Variants in RPS10 observed in about 807,000 individuals in gnomAD.
The protein encoded by RPS10 is ribosomal protein S10.
A neutral mutation model predicts 22.6 loss-of-function variants in RPS10; 2 were observed. The ratio of observed to expected loss-of-function variants is 0.09; its 90% CI spans 0.04 to 0.28. The LOEUF is 0.28. Ranked by LOEUF, RPS10 falls within the 10% of genes least tolerant of loss-of-function variation. RPS10 has a pLI of 1.00. For synonymous variants in RPS10, 70 were observed against 75.9 expected (o/e 0.92, Z 0.40); for missense variants, 137 against 222.2 (o/e 0.62, Z 2.44).
intron 4 of RPS10, among the ~76,000 whole-genome samples, chr6:34,418,790 C>A (rs1369988730): frequency 6.6e-6 from 1 of 152,150 alleles, no homozygotes; most frequent in African/African-American, 2.4e-5. Context: ...GCCTTAATTA[C>A]CACCATGGGA....
chr6:34,424,159 A>AAAAAAG (rs1765869466), intron 3 of RPS10: 2 of 150,560 alleles, frequency 1.3e-5, no homozygotes, highest in Non-Finnish European at 2.9e-5. Flanking sequence ...AAAAAAAAAA[A>AAAAAAG]AAAAAGCAAC....
intron 2 of RPS10, 43 bp from the exon 3 acceptor site, chr6:34,424,883 T>G (rs1765900562): frequency 6.2e-7 from 1 of 1,613,170 alleles, no homozygotes; most frequent in East Asian, 2.2e-5. Flanking sequence ...AGTAGAAGCT[T>G]GGATCATCCT....
chr6:34,418,165 G>A, intron 5 of RPS10: 1 of 1,481,614 alleles, frequency 6.7e-7, no homozygotes, highest in Non-Finnish European at 9.0e-7. Context: ...ACTGATTTCT[G>A]AGACTCATTT....
chr6:34,418,264 G>A, intron 5 of RPS10, 105 bp downstream of exon 5: 1 of 1,590,786 alleles, frequency 6.3e-7, no homozygotes, highest in Admixed American at 1.8e-5. Context: ...GGAACTGGTT[G>A]ACAGGACCCA....
intron 4 of RPS10, among the ~76,000 whole-genome samples, chr6:34,421,142 G>C (rs1220923408): frequency 6.7e-6 from 1 of 148,752 alleles, no homozygotes; most frequent in East Asian, 2.0e-4. Flanking sequence ...ACCCAGGCTG[G>C]AGTGACAACT....
At chr6:34,424,140 T>TAAAAAAAACAAAAAAAAAAA (rs1765865903) in intron 3 of RPS10, 1 of 49,102 alleles carries the variant, frequency 2.0e-5, no homozygotes, top group African/African-American at 1.1e-4. Flanking sequence ...AAGACTCCGT[T>TAAAAAAAACAAAAAAAAAAA]AAAAAAAAAA....
chr6:34,424,810 G>C lies in RPS10; in HGVS notation c.181C>G (p.Gln61Glu), dbSNP rs764999153. 1.2e-6 allele frequency: 2 copies of C among 1,614,084 alleles called. No individual in the cohort carries two copies. ...CAGTAGAAATGTCTCCAGGCAAACT[G>C]TTCCTTCACGTAGCCTCGGGACTTG... ...SLKSRGYVKEQFAWRHFYWYL... is the reference protein window; with the variant it reads ...SLKSRGYVKEEFAWRHFYWYL... The change falls in exon 3 of 6, where the codon CAG (glutamine) becomes GAG (glutamate). Residue 61 changes from glutamine (Q) to glutamate (E), a missense_variant. Transcript: ENST00000648437.
intron 4 of RPS10, among the ~76,000 whole-genome samples, chr6:34,419,316 G>A (rs544944419): frequency 6.6e-6 from 1 of 152,018 alleles, no homozygotes; most frequent in Non-Finnish European, 1.5e-5. Context: ...ATGAGCCACC[G>A]CACCCAGCCC....
chr6:34,420,376 T>C (rs1765720862), intron 4 of RPS10, among the ~76,000 whole-genome samples: 1 of 151,996 alleles, frequency 6.6e-6, no homozygotes, highest in Non-Finnish European at 1.5e-5. Flanking sequence ...GCACACACCA[T>C]CATGCCCAGC....
chr6:34,425,121 T>C lies in RPS10; in HGVS notation c.101A>G (p.Glu34Gly). 2 of 1,613,206 alleles carry C rather than the reference T, an allele frequency of 1.2e-6. No homozygotes were observed. The highest frequency in any genetic ancestry group is 1.7e-6 in the Non-Finnish European group (2 of 1,179,946). ...KKDVHMPKHP[E>G]LADKNVPNLH... ...GTTGGGCACATTCTTGTCTGCCAGC[T>C]CCGGGTGCTTAGGCATGTGGACATC... Residue 34 changes from glutamate to glycine, a missense_variant, in exon 2 of 6, where the codon GAG (glutamate) becomes GGG (glycine). Glu to Gly is a moderately conservative substitution (Grantham distance 98). Transcript: ENST00000648437.
rs1047367174 is a variant in RPS10, at chr6:34,425,349, C to T, written c.1-128G>A. The T allele has an allele frequency of 5.6e-6, 7 of 1,251,424 alleles. No homozygotes were observed. In the African/African-American group the frequency reaches 1.0e-4, roughly 19 times the overall value. The allele number at this position is 1,251,424 out of a possible 1,614,324, so 77.5% of individuals were successfully genotyped here. On this transcript the variant is annotated intron_variant, in intron 1 of 5. Coordinates refer to ENST00000648437, the MANE Select transcript of RPS10 (RefSeq NM_001014.5). Reference sequence around the variant, plus strand: ...ACATGCTGGTGGGAAGACTCAACTCCACAAAACAGATTCGGCAGAGGCCAG... The same window carrying T: ...ACATGCTGGTGGGAAGACTCAACTCTACAAAACAGATTCGGCAGAGGCCAG...
At chr6:34,417,599 T>C (rs952148574) in intron 5 of RPS10, 52 bp from the exon 6 acceptor site, 13 of 1,595,388 alleles carry the variant, frequency 8.1e-6, no homozygotes, top group South Asian at 2.2e-5. Context: ...GGTTTGATCT[T>C]TGGAGGTTTT....
Position 34,424,713 on chromosome 6 carries a change from G to C in RPS10, c.278C>G (p.Thr93Ser). The change falls in exon 3 of 6, where the codon ACC (threonine) becomes AGC (serine). Residue 93 changes from threonine (T) to serine (S), a missense_variant. Thr to Ser is a moderately conservative substitution (Grantham distance 58, BLOSUM62 1). Transcript: ENST00000648437. ...LHLPPEIVPA[T>S]LRRSRPETGR... is the part of the protein sequence containing the mutation. ...AGTCTCTGGACGGCTACGGCGTAGG[G>C]TGGCAGGCACAATCTCCGGGGGCAG... 3.7e-6 allele frequency: 6 copies of C among 1,614,174 alleles called. No individual in the cohort carries two copies. The highest frequency in any genetic ancestry group is 5.1e-6 in the Non-Finnish European group (6 of 1,180,016).
chr6:34,418,512 A>C lies in RPS10; in HGVS notation c.401-88T>G, dbSNP rs551244017. On this transcript the variant is annotated intron_variant, in intron 4 of 5. Transcript: ENST00000648437. ...GACAACTCACTGACTCCAATCTTGCAGGAAAAGCCAAGTACCACTCCGTTA... is the reference window on the plus strand; with the variant it reads ...GACAACTCACTGACTCCAATCTTGCCGGAAAAGCCAAGTACCACTCCGTTA... The C allele has an allele frequency of 1.9e-6, 3 of 1,596,810 alleles. No homozygotes were observed. The South Asian group carries it at 3.4e-5, about 18-fold the overall frequency.
intron 3 of RPS10, among the ~76,000 whole-genome samples, chr6:34,422,781 T>C (rs1765812758): frequency 6.7e-6 from 1 of 148,896 alleles, no homozygotes; most frequent in Admixed American, 6.7e-5. Flanking sequence ...AGAGCTACCT[T>C]AAAAAAATTA....
At chr6:34,417,873 G>C (rs1029089050) in intron 5 of RPS10, 14 of 718,024 alleles carry the variant, frequency 1.9e-5, no homozygotes, top group Admixed American at 1.0e-4. Flanking sequence ...GACATTATCT[G>C]AGAGCAATCG....
chr6:34,418,328 A>T, intron 5 of RPS10, 41 bp downstream of exon 5: 1 of 1,613,994 alleles, frequency 6.2e-7, no homozygotes, highest in Non-Finnish European at 8.5e-7. Context: ...TGAGGCCAGA[A>T]CAAGTGATGG....
intron 4 of RPS10, among the ~76,000 whole-genome samples, chr6:34,419,679 G>GCGATTCTCCTGCCTCATGCTC (rs1325623465): frequency 1.3e-5 from 2 of 151,988 alleles, no homozygotes; most frequent in African/African-American, 2.4e-5. Flanking sequence ...CTGGGTTCAA[G>GCGATTCTCCTGCCTCATGCTC]CGATTCTCCT....
chr6:34,423,630 A>G (rs909173256), intron 3 of RPS10, among the ~76,000 whole-genome samples: 3 of 152,156 alleles, frequency 2.0e-5, no homozygotes, highest in African/African-American at 7.2e-5. Context: ...AACGCCTGTA[A>G]TCCCAGCACT....
Sources: gnomAD v4.1 joint callset for allele counts (sites outside exome capture counted in the v4.1 genomes callset) on GRCh38, gnomAD v4.1.1 for gene constraint, MANE v1.5 for transcripts, NCBI Gene and HGNC (gene_info 2026-07-23, HGNC 2026-07-21) for gene names.